ATP1B4: variants seen among roughly 807,000 people sequenced by gnomAD.
The protein encoded by ATP1B4 is ATPase Na+/K+ transporting family member beta 4, also known as protein ATP1B4.
ATP1B4 carries 32 observed loss-of-function variants against 29.6 expected under a neutral mutation model. That is an observed-to-expected ratio of 1.08 (90% CI 0.82 to 1.45). The LOEUF is 1.45. Among genes scored for constraint, ATP1B4 ranks in the 40% most tolerant of loss-of-function variants. The pLI is 0.00. For synonymous variants in ATP1B4, 127 were observed against 102.1 expected, an observed-to-expected ratio of 1.24 and a Z score of -1.47; for missense variants, 323 against 276.2, an observed-to-expected ratio of 1.17 and a Z score of -1.20.
chrX:120,378,223 C>T (rs2058365929), intron 6 of ATP1B4, among the ~76,000 whole-genome samples: 1 of 111,674 alleles, frequency 9.0e-6, no homozygotes, highest in African/African-American at 3.3e-5. Context: ...GTGTGCAAAT[C>T]GTGGAGTGGG....
intron 1 of ATP1B4, 51 bp from the exon 2 acceptor site, chrX:120,366,474 C>A: frequency 8.6e-7 from 1 of 1,164,946 alleles, no homozygotes; most frequent in Admixed American, 2.5e-5. Flanking sequence ...GTGGGATGCA[C>A]CATTGTACAT....
intron 7 of ATP1B4, among the ~76,000 whole-genome samples, chrX:120,379,226 C>G (rs1442740688): frequency 3.6e-5 from 4 of 111,904 alleles, no homozygotes; most frequent in Non-Finnish European, 5.6e-5. Context: ...TCATATCATG[C>G]TGAATCAGAA....
chrX:120,368,766 G>A (rs994830978), intron 2 of ATP1B4, among the ~76,000 whole-genome samples: 1 of 111,912 alleles, frequency 8.9e-6, no homozygotes. Flanking sequence ...GAAATGAAGA[G>A]TTGGGAGCAC....
rs564027283 is a variant in ATP1B4 at position 120,374,085 on chromosome X, G to T, written c.563-1287G>T. Among the ~76,000 whole-genome samples, 11 of 111,323 alleles carry T rather than the reference G, an allele frequency of 9.9e-5. 1 individual carries two copies. In the South Asian group the frequency reaches 4.2e-3, roughly 42 times the overall value. On this transcript the variant is annotated intron_variant, in intron 4 of 7. Coordinates refer to ENST00000218008, the MANE Select transcript of ATP1B4 (RefSeq NM_001142447.3). ...ACAGAGCTGATTTATCAAGACAGGG[G>T]TATTGCAATAGAGACAGAGTAATCC...
intron 5 of ATP1B4, 60 bp downstream of exon 5, chrX:120,375,628 G>A (rs1012114461): frequency 3.5e-5 from 35 of 1,003,158 alleles, no homozygotes; most frequent in Middle Eastern, 5.8e-4. Flanking sequence ...GAGGGCTCTG[G>A]CCACTCCATT....
Position 120,381,330 on chromosome X carries a change from G to C in ATP1B4, c.*1696G>C, listed in dbSNP as rs775310960. On this transcript the variant is annotated 3_prime_UTR_variant, in exon 8 of 8. Transcript: ENST00000218008. ...GATGGCAAGAGATCCAGCTAGAGAG[G>C]TATTCAGGGATGGAAAGAGGACTTT... 1 of 112,312 alleles carries C rather than the reference G, an allele frequency of 8.9e-6. No individual in the cohort carries two copies. The highest frequency in any genetic ancestry group is 2.8e-4 in the East Asian group (1 of 3,596). The allele number at this position is 112,312 out of a possible 1,213,427, so 9.3% of individuals were successfully genotyped here. A position where few individuals can be genotyped will look rare whatever the true frequency, so the allele number is the denominator to read the frequency against.
chrX:120,374,519 C>G (rs1444188011), intron 4 of ATP1B4, among the ~76,000 whole-genome samples: 3 of 66,693 alleles, frequency 4.5e-5, no homozygotes, highest in African/African-American at 1.8e-4. Context: ...CTTATATATA[C>G]CATATACCCT....
In ATP1B4 at chrX:120,365,814, T is replaced by C. The variant is rs764630029; in HGVS notation, c.64-711T>C. On this transcript the variant is annotated intron_variant, in intron 1 of 7. Coordinates refer to ENST00000218008, the MANE Select transcript of ATP1B4 (RefSeq NM_001142447.3). The stretch of plus-strand genomic sequence containing the variant: ...TCAACAAATATGTGCTGAGTATGTA[T>C]TACGTGCCCAGCTTTTTGCCTAAGC... Among the ~76,000 whole-genome samples the C allele has an allele frequency of 8.9e-5, 10 of 112,262 alleles. No individual in the cohort carries two copies. The South Asian group carries it at 3.7e-3, about 42-fold the overall frequency.
chrX:120,374,695 AAT>A lies in ATP1B4; in HGVS notation c.563-665_563-664del, dbSNP rs1165253275. ...ATATATATTATATACCCTTATATAT[AAT>A]ATATATATATACCCTTATATATAAT... On this transcript the variant is annotated intron_variant, in intron 4 of 7. Coordinates refer to ENST00000218008, the MANE Select transcript of ATP1B4 (RefSeq NM_001142447.3). Among the ~76,000 whole-genome samples the A allele has an allele frequency of 1.1e-3, 45 of 42,438 alleles. 1 individual carries two copies. The highest frequency in any genetic ancestry group is 2.9e-3 in the African/African-American group (37 of 12,550). The allele number at this position is 42,438 out of a possible 115,157, so 36.9% of individuals were successfully genotyped here.
intron 2 of ATP1B4, among the ~76,000 whole-genome samples, chrX:120,369,721 C>T (rs1477159901): frequency 6.2e-5 from 7 of 112,080 alleles, no homozygotes; most frequent in Non-Finnish European, 1.1e-4. Flanking sequence ...ATTCACACAA[C>T]GGTCCTACAG....
intron 1 of ATP1B4, among the ~76,000 whole-genome samples, chrX:120,364,069 G>A (rs891961855): frequency 3.6e-5 from 4 of 110,185 alleles, no homozygotes; most frequent in Non-Finnish European, 5.7e-5. Context: ...CAAATTAGCC[G>A]TGAGAAGATT....
rs1173039085 is a variant in ATP1B4 at position 120,381,253 on chromosome X, A to C, written c.*1619A>C. On this transcript the variant is annotated 3_prime_UTR_variant, in exon 8 of 8. Coordinates refer to ENST00000218008, the MANE Select transcript of ATP1B4 (RefSeq NM_001142447.3). ...GAAGAGACCATGGTGTGTCTGGGTA[A>C]CTGTGAGCAGTTTATGTAACTGGAA... 8.9e-6 allele frequency: 1 copy of C among 111,749 alleles called. No homozygotes were observed. Among genetic ancestry groups the C allele is most frequent in the African/African-American group, 3.3e-5 (1 of 30,719 alleles). 9.2% of individuals were successfully genotyped at this position (111,749 alleles called of 1,213,427 possible).
chrX:120,368,139 G>T (rs1014759362), intron 2 of ATP1B4, among the ~76,000 whole-genome samples: 1 of 111,639 alleles, frequency 9.0e-6, no homozygotes, highest in Non-Finnish European at 1.9e-5. Flanking sequence ...CAATCCATAG[G>T]CCAATAAGTG....
In ATP1B4 at chrX:120,368,220, C is replaced by T. The variant is rs753634876; in HGVS notation, c.328+1431C>T. Among the ~76,000 whole-genome samples the T allele has an allele frequency of 3.6e-5, 4 of 111,885 alleles. No individual in the cohort carries two copies. The East Asian group carries it at 1.1e-3, about 31-fold the overall frequency. ...AGGGACACAGCATGATAGGCCGTAG[C>T]CAGACCTCTGAGTAGCAGATCTAAG... On this transcript the variant is annotated intron_variant, in intron 2 of 7. Transcript: ENST00000218008.
intron 5 of ATP1B4, 46 bp from the exon 6 acceptor site, chrX:120,376,334 A>T: frequency 1.7e-6 from 2 of 1,172,818 alleles, no homozygotes. Context: ...TTACTGTCAA[A>T]TATGTTTTGT....
At chrX:120,369,612 GA>G (rs1337226964) in intron 2 of ATP1B4, among the ~76,000 whole-genome samples, 1 of 111,858 alleles carries the variant, frequency 8.9e-6, no homozygotes, top group Non-Finnish European at 1.9e-5. Context: ...AGGAGGGCTT[GA>G]AAAGAGTTTC....
chrX:120,379,236 A>G, intron 7 of ATP1B4, among the ~76,000 whole-genome samples: 1 of 111,894 alleles, frequency 8.9e-6, no homozygotes, highest in Non-Finnish European at 1.9e-5. Context: ...CTGAATCAGA[A>G]TTGGTTTTTC....
In ATP1B4 at chrX:120,362,221, G is replaced by A. The variant is rs149707237; in HGVS notation, c.53G>A (p.Arg18His). The A allele has an allele frequency of 8.5e-5, 103 of 1,208,577 alleles. No individual in the cohort carries two copies. In the African/African-American group the frequency reaches 1.1e-3, roughly 13 times the overall value. Residue 18 changes from arginine (R) to histidine (H), a missense_variant, in exon 1 of 8, where the codon CGC (arginine) becomes CAC (histidine). Transcript: ENST00000218008. The stretch of plus-strand genomic sequence containing the variant: ...GCTCCATCCTTTCCTTACAGTTATC[G>A]CTACAGACTCGTGAGTGCCAGAGAG... ...RRAPSFPYSYRYRLDDPDEAN... is the reference protein window; with the variant it reads ...RRAPSFPYSYHYRLDDPDEAN...
chrX:120,362,991 A>G (rs888051348), intron 1 of ATP1B4, among the ~76,000 whole-genome samples: 7 of 112,697 alleles, frequency 6.2e-5, no homozygotes, highest in Non-Finnish European at 9.4e-5. Context: ...CTCATCATTT[A>G]TTTCCAGGGT....
Sources: gnomAD v4.1 joint callset for allele counts (sites outside exome capture counted in the v4.1 genomes callset) on GRCh38, gnomAD v4.1.1 for gene constraint, MANE v1.5 for transcripts, NCBI Gene and HGNC (gene_info 2026-07-23, HGNC 2026-07-21) for gene names.